The following LRP1B variants were observed in gnomAD, a reference collection of about 807,000 sequenced individuals.
LRP1B encodes LDL receptor related protein 1B.
In LRP1B, 217 loss-of-function variants were observed where a neutral mutation model predicts 556.6. That is an observed-to-expected ratio of 0.39 (90% CI 0.35 to 0.44). The LOEUF is 0.44. Ranked by LOEUF, LRP1B falls within the 20% of genes least tolerant of loss-of-function variation. LRP1B has a pLI of 1.00. For missense variants in LRP1B, 5,053 were observed against 5,620.8 expected (o/e 0.90, Z 3.23); for synonymous variants, 2,047 against 1,865.8 (o/e 1.10, Z -2.50).
chr2:141,662,281 C>T (rs1690249524), intron 2 of LRP1B, among the ~76,000 whole-genome samples: 3 of 152,068 alleles, frequency 2.0e-5, no homozygotes. Flanking sequence ...AACAAGTCTG[C>T]AAAATAACTA....
intron 2 of LRP1B, among the ~76,000 whole-genome samples, chr2:141,655,081 C>T (rs1427180035): frequency 6.6e-6 from 1 of 151,976 alleles, no homozygotes; most frequent in African/African-American, 2.4e-5. Flanking sequence ...CTTGCTTTAC[C>T]ATCTTTTGTA....
chr2:141,510,689 C>T (rs1391946739), intron 2 of LRP1B, among the ~76,000 whole-genome samples: 1 of 152,072 alleles, frequency 6.6e-6, no homozygotes, highest in African/African-American at 2.4e-5. Flanking sequence ...CAAAAGCAAC[C>T]TTTTCAGAGA....
intron 23 of LRP1B, among the ~76,000 whole-genome samples, chr2:140,887,868 A>G (rs1393660897): frequency 6.6e-6 from 1 of 152,154 alleles, no homozygotes; most frequent in Admixed American, 6.6e-5. Context: ...TAGAAAATAG[A>G]TCAGTGGTTT....
intron 3 of LRP1B, among the ~76,000 whole-genome samples, chr2:141,384,640 T>G (rs1342700082): frequency 1.3e-5 from 2 of 152,084 alleles, no homozygotes; most frequent in Non-Finnish European, 2.9e-5. Context: ...TAGAGCATAA[T>G]AGCTCAGCAG....
chr2:141,990,953 T>C (rs1702326787), intron 1 of LRP1B, among the ~76,000 whole-genome samples: 1 of 152,032 alleles, frequency 6.6e-6, no homozygotes, highest in Non-Finnish European at 1.5e-5. Flanking sequence ...CTTTCCAACA[T>C]CACTTGAAGA....
At chr2:141,291,811 G>C (rs541179666) in intron 3 of LRP1B, among the ~76,000 whole-genome samples, 1 of 132,802 alleles carries the variant, frequency 7.5e-6, no homozygotes, top group Middle Eastern at 5.7e-3. Context: ...AGCAGAGATC[G>C]CGCCACTGCA....
intron 7 of LRP1B, among the ~76,000 whole-genome samples, chr2:141,131,015 A>G (rs972590910): frequency 6.6e-6 from 1 of 151,982 alleles, no homozygotes; most frequent in African/African-American, 2.4e-5. Context: ...CACACAGGGC[A>G]TATACCTAAC....
chr2:140,388,592 T>C (rs917279086), intron 66 of LRP1B, among the ~76,000 whole-genome samples: 1 of 152,218 alleles, frequency 6.6e-6, no homozygotes, highest in Non-Finnish European at 1.5e-5. Flanking sequence ...AGCTGCCTTA[T>C]GTAAAGTTAT....
At chr2:142,055,655 T>G (rs1704641547) in intron 1 of LRP1B, among the ~76,000 whole-genome samples, 1 of 152,152 alleles carries the variant, frequency 6.6e-6, no homozygotes. Context: ...AGAAAATTTG[T>G]TACCATTCTC....
intron 3 of LRP1B, among the ~76,000 whole-genome samples, chr2:141,321,983 C>T (rs1016382081): frequency 2.0e-5 from 3 of 152,088 alleles, no homozygotes; most frequent in Non-Finnish European, 4.4e-5. Flanking sequence ...AGCCAATTTA[C>T]CTCTTCTCAT....
rs1466529472 is a variant in LRP1B at position 140,325,828 on chromosome 2, G to T, written c.12274C>A (p.Leu4092Ile). 6.2e-7 allele frequency: 1 copy of T among 1,613,112 alleles called. No individual in the cohort carries two copies. Among genetic ancestry groups the T allele is most frequent in the East Asian group, 2.2e-5 (1 of 44,694 alleles). Residue 4092 changes from leucine to isoleucine, a missense_variant, in exon 80 of 91, where the codon CTC (leucine) becomes ATC (isoleucine). Physicochemically the swap from Leu to Ile is conservative, Grantham distance 5. Around this residue, in one of 5 missense-constraint regions of LRP1B, gnomAD observed 551 missense variants for 592.0 expected, o/e 0.93. Coordinates refer to ENST00000389484, the MANE Select transcript of LRP1B (RefSeq NM_018557.3). ...TACAGAACACTGCCAATGATGGAGA[G>T]CTCAAAGTCAGCCCAATATATGCGT... Reference protein sequence around the residue: ...SERIYWADFELSIIGSVLYDG... With the variant: ...SERIYWADFEISIIGSVLYDG...
At chr2:140,520,040 C>G (rs1392607608) in intron 49 of LRP1B, among the ~76,000 whole-genome samples, 3 of 152,154 alleles carry the variant, frequency 2.0e-5, no homozygotes, top group African/African-American at 7.2e-5. Context: ...TTGTGGAAGA[C>G]AGTGTGACGA....
intron 78 of LRP1B, 35 bp from the exon 79 acceptor site, chr2:140,334,594 A>C (rs781116697): frequency 1.2e-5 from 15 of 1,229,286 alleles, no homozygotes; most frequent in Non-Finnish European, 1.6e-5. Context: ...TAGCCTGGTG[A>C]TGGTGCTGCT....
intron 1 of LRP1B, among the ~76,000 whole-genome samples, chr2:141,906,421 C>G (rs1045905800): frequency 6.6e-6 from 1 of 151,920 alleles, no homozygotes; most frequent in African/African-American, 2.4e-5. Context: ...AAATTGCATT[C>G]AAATATTTAT....
intron 2 of LRP1B, among the ~76,000 whole-genome samples, chr2:141,672,202 G>C (rs354852): frequency 0.22 from 33,295 of 151,842 alleles, 5,137 homozygotes; most frequent in African/African-American, 0.43. Context: ...TTCTACTACA[G>C]ACAACTAGAT....
Position 140,680,782 on chromosome 2 carries a change from G to A in LRP1B, c.6799+19468C>T, listed in dbSNP as rs142727692. On this transcript the variant is annotated intron_variant, in intron 41 of 90. Transcript: ENST00000389484. ...TGAGGAGTGAGCTAATGTGACCCAG[G>A]TCTCATCACAAAATGAGTAAGACGA... is the stretch of plus-strand genomic sequence containing the variant. Among the ~76,000 whole-genome samples the A allele has an allele frequency of 4.0e-4, 61 of 152,164 alleles. 1 individual carries two copies. Among genetic ancestry groups the A allele is most frequent in the African/African-American group, 1.3e-3 (52 of 41,506 alleles).
At chr2:140,543,317 T>G (rs1179805672) in intron 43 of LRP1B, among the ~76,000 whole-genome samples, 1 of 151,708 alleles carries the variant, frequency 6.6e-6, no homozygotes, top group Non-Finnish European at 1.5e-5. Context: ...GAAGGGAAAT[T>G]TAAAAAAATA....
chr2:141,890,360 C>CAT (rs144306760), intron 1 of LRP1B, among the ~76,000 whole-genome samples: 27,488 of 127,470 alleles, frequency 0.22, 3,651 homozygotes, highest in East Asian at 0.36. Flanking sequence ...ATGTATTGTG[C>CAT]ATATATATAT....
At chr2:141,930,426 A>G (rs1354461452) in intron 1 of LRP1B, among the ~76,000 whole-genome samples, 1 of 151,960 alleles carries the variant, frequency 6.6e-6, no homozygotes, top group Non-Finnish European at 1.5e-5. Context: ...ATTAGATGAG[A>G]CTCTGCCAAG....
Sources: gnomAD v4.1 joint callset for allele counts (sites outside exome capture counted in the v4.1 genomes callset) on GRCh38, gnomAD v4.1.1 for gene constraint, gnomAD v4.1.1 regional missense constraint, MANE v1.5 for transcripts, NCBI Gene and HGNC (gene_info 2026-07-23, HGNC 2026-07-21) for gene names.